The following B3GALT1 variants were observed in gnomAD, a reference collection of about 807,000 sequenced individuals.
B3GALT1 encodes the protein beta-1,3-galactosyltransferase 1.
In B3GALT1, 10 loss-of-function variants were observed where a neutral mutation model predicts 23.2. The observed-to-expected ratio is 0.43, with a 90% CI of 0.27 to 0.73. The LOEUF (loss-of-function observed/expected upper bound fraction) is 0.73, where lower values mean the gene tolerates loss of function less well. Ranked by LOEUF, B3GALT1 falls within the 30% of genes least tolerant of loss-of-function variation. The probability of loss-of-function intolerance (pLI) is 0.21; values close to 1 mark genes in which losing one functional copy is unlikely to be tolerated. For missense variants in B3GALT1, 299 were observed against 405.4 expected (o/e 0.74, Z 2.25); for synonymous variants, 156 against 141.5 (o/e 1.10, Z -0.73).
intron 3 of B3GALT1, chr2:167,715,371 A>G (rs1687126588): frequency 2.5e-6 from 4 of 1,613,852 alleles, no homozygotes; most frequent in Non-Finnish European, 2.5e-6. Flanking sequence ...TGTTCTTTCC[A>G]TACTTCAGCT....
At chr2:167,318,967 C>T (rs1317395491) in intron 1 of B3GALT1, among the ~76,000 whole-genome samples, 1 of 152,106 alleles carries the variant, frequency 6.6e-6, no homozygotes, top group East Asian at 1.9e-4. Context: ...TTCTTGTTAC[C>T]TTTGCTCTCA....
chr2:167,560,213 TA>T (rs1383587917), intron 2 of B3GALT1, among the ~76,000 whole-genome samples: 1 of 152,026 alleles, frequency 6.6e-6, no homozygotes, highest in Non-Finnish European at 1.5e-5. Context: ...CTAAGCTTCA[TA>T]AGTGAAGGAG....
chr2:167,472,023 G>A (rs528087922), intron 1 of B3GALT1, among the ~76,000 whole-genome samples: 9 of 152,120 alleles, frequency 5.9e-5, no homozygotes, highest in Non-Finnish European at 1.2e-4. Flanking sequence ...CCTTTCTGTG[G>A]CTGGTTCCTC....
intron 2 of B3GALT1, among the ~76,000 whole-genome samples, chr2:167,544,181 A>G (rs1421852877): frequency 6.6e-6 from 1 of 152,224 alleles, no homozygotes; most frequent in African/African-American, 2.4e-5. Context: ...GATTAAAGGG[A>G]AACAGAAAAT....
intron 2 of B3GALT1, among the ~76,000 whole-genome samples, chr2:167,495,992 T>G (rs1222665323): frequency 6.6e-6 from 1 of 152,166 alleles, no homozygotes; most frequent in South Asian, 2.1e-4. Context: ...TTCCAGAACA[T>G]GAAAGTAGAA....
chr2:167,371,938 TA>T (rs1475371368), intron 1 of B3GALT1, among the ~76,000 whole-genome samples: 7 of 151,770 alleles, frequency 4.6e-5, no homozygotes, highest in Admixed American at 2.0e-4. Flanking sequence ...ATATTTATAA[TA>T]TTTTTTTCAA....
chr2:167,625,850 T>C (rs912425437), intron 2 of B3GALT1, among the ~76,000 whole-genome samples: 5 of 150,436 alleles, frequency 3.3e-5, no homozygotes, highest in Admixed American at 1.3e-4. Flanking sequence ...GAGTAATGTG[T>C]GTAGAGATAT....
chr2:167,459,627 A>T (rs1699226152), intron 1 of B3GALT1, among the ~76,000 whole-genome samples: 1 of 152,188 alleles, frequency 6.6e-6, no homozygotes, highest in South Asian at 2.1e-4. Context: ...AACAAAAAGT[A>T]GATTTACAAG....
intron 2 of B3GALT1, among the ~76,000 whole-genome samples, chr2:167,588,237 C>T (rs1420018019): frequency 6.9e-6 from 1 of 145,808 alleles, no homozygotes; most frequent in Non-Finnish European, 1.5e-5. Context: ...ATTTAAATCA[C>T]CTGTGAGCTA....
chr2:167,783,309 G>A (rs1475614888), intron 3 of B3GALT1, among the ~76,000 whole-genome samples: 1 of 152,114 alleles, frequency 6.6e-6, no homozygotes, highest in Non-Finnish European at 1.5e-5. Flanking sequence ...ACATTTTTCT[G>A]TTTATCTTCG....
rs955355670 is a variant in B3GALT1 at position 167,427,335 on chromosome 2, G to T, written c.-510-62842G>T. Among the ~76,000 whole-genome samples, 15 of 152,180 alleles carry T rather than the reference G, an allele frequency of 9.9e-5. 1 individual carries two copies. The highest frequency in any genetic ancestry group is 1.4e-4 in the African/African-American group (6 of 41,516). On this transcript the variant is annotated intron_variant, in intron 1 of 4. Transcript: ENST00000392690. ...TTTTTTGGCTTGATTTAGCTTTTTT[G>T]TGTGTGTGAATTTTGACTTATTTTT...
intron 2 of B3GALT1, among the ~76,000 whole-genome samples, chr2:167,569,967 C>A (rs138548487): frequency 2.0e-5 from 3 of 151,696 alleles, no homozygotes; most frequent in African/African-American, 7.3e-5. Context: ...TGTAATAGAT[C>A]GTGTTAATAG....
At chr2:167,379,484 G>A (rs1389225820) in intron 1 of B3GALT1, among the ~76,000 whole-genome samples, 1 of 152,030 alleles carries the variant, frequency 6.6e-6, no homozygotes, top group Non-Finnish European at 1.5e-5. Flanking sequence ...GCTGTGTAGG[G>A]TTTTGACTTT....
At chr2:167,302,813 TA>T (rs1696471423) in intron 1 of B3GALT1, among the ~76,000 whole-genome samples, 1 of 152,166 alleles carries the variant, frequency 6.6e-6, no homozygotes, top group African/African-American at 2.4e-5. Context: ...ATAATAAAGC[TA>T]AAAATCATGC....
At chr2:167,557,175 A>G (rs1683868260) in intron 2 of B3GALT1, among the ~76,000 whole-genome samples, 1 of 152,102 alleles carries the variant, frequency 6.6e-6, no homozygotes. Flanking sequence ...ATACACCTCA[A>G]AGTAAATTAT....
chr2:167,757,526 AT>A (rs1374849294), intron 3 of B3GALT1, among the ~76,000 whole-genome samples: 1 of 151,958 alleles, frequency 6.6e-6, no homozygotes, highest in Non-Finnish European at 1.5e-5. Flanking sequence ...TAAATCTAAA[AT>A]TTTTTTTAAA....
intron 1 of B3GALT1, among the ~76,000 whole-genome samples, chr2:167,480,811 A>G (rs1699554752): frequency 6.6e-6 from 1 of 152,146 alleles, no homozygotes; most frequent in Admixed American, 6.5e-5. Flanking sequence ...GGAAGTTTCT[A>G]TCACCCAACT....
At chr2:167,416,108 G>A (rs1698465942) in intron 1 of B3GALT1, among the ~76,000 whole-genome samples, 1 of 152,198 alleles carries the variant, frequency 6.6e-6, no homozygotes, top group African/African-American at 2.4e-5. Context: ...GCTAAGATTA[G>A]TAGAGAGAAG....
intron 1 of B3GALT1, among the ~76,000 whole-genome samples, chr2:167,403,496 C>T (rs1047395257): frequency 2.7e-5 from 4 of 150,858 alleles, no homozygotes; most frequent in African/African-American, 7.3e-5. Flanking sequence ...TGCAGAGCAC[C>T]ATGTTTAAAA....
Sources: gnomAD v4.1 joint callset for allele counts (sites outside exome capture counted in the v4.1 genomes callset) on GRCh38, gnomAD v4.1.1 for gene constraint, MANE v1.5 for transcripts, NCBI Gene and HGNC (gene_info 2026-07-23, HGNC 2026-07-21) for gene names.